The following CDC42SE2 variants were observed in gnomAD, a reference collection of about 807,000 sequenced individuals.
The protein encoded by CDC42SE2 is CDC42 small effector 2, also known as CDC42 small effector protein 2.
CDC42SE2 carries 3 observed loss-of-function variants against 11.5 expected under a neutral mutation model. That is an observed-to-expected ratio of 0.26 (90% CI 0.12 to 0.67). The LOEUF is 0.67. Among genes scored for constraint, CDC42SE2 ranks in the 30% least tolerant of loss-of-function variants. CDC42SE2 has a pLI of 0.80. For synonymous variants in CDC42SE2, 33 were observed against 34.8 expected (o/e 0.95, Z 0.18); for missense variants, 82 against 106.8 (o/e 0.77, Z 1.02).
chr5:131,311,232 G>A (rs1401713504), intron 1 of CDC42SE2, among the ~76,000 whole-genome samples: 1 of 151,052 alleles, frequency 6.6e-6, no homozygotes, highest in East Asian at 1.9e-4. Flanking sequence ...GCAATTCTGG[G>A]TTGAAAATTC....
At chr5:131,312,090 C>G (rs967092322) in intron 1 of CDC42SE2, among the ~76,000 whole-genome samples, 25 of 152,100 alleles carry the variant, frequency 1.6e-4, no homozygotes, top group Non-Finnish European at 3.2e-4. Context: ...TACTTTTGGT[C>G]TTTGATGATG....
At chr5:131,303,064 CTT>C (rs1238446546) in intron 1 of CDC42SE2, among the ~76,000 whole-genome samples, 5 of 152,138 alleles carry the variant, frequency 3.3e-5, no homozygotes, top group African/African-American at 1.2e-4. Flanking sequence ...GCCCAGATGA[CTT>C]TTCACTTAAA....
At chr5:131,294,534 A>T (rs1048773782) in intron 1 of CDC42SE2, among the ~76,000 whole-genome samples, 1 of 152,236 alleles carries the variant, frequency 6.6e-6, no homozygotes, top group Admixed American at 6.5e-5. Flanking sequence ...GTTGATGTAG[A>T]CAAGCAACAA....
intron 1 of CDC42SE2, among the ~76,000 whole-genome samples, chr5:131,294,374 G>A (rs971714859): frequency 1.3e-5 from 2 of 152,142 alleles, no homozygotes; most frequent in South Asian, 2.1e-4. Context: ...TGAAGGAAAG[G>A]TATGTTGTCC....
At chr5:131,389,277 G>A (rs1750580407) in intron 4 of CDC42SE2, among the ~76,000 whole-genome samples, 1 of 152,130 alleles carries the variant, frequency 6.6e-6, no homozygotes. Context: ...ATTTGAACTG[G>A]TATCATATGA....
intron 1 of CDC42SE2, among the ~76,000 whole-genome samples, chr5:131,253,689 C>T (rs1315048805): frequency 6.6e-6 from 1 of 152,120 alleles, no homozygotes; most frequent in Non-Finnish European, 1.5e-5. Context: ...CGCTTGAACC[C>T]AGGAGGCGGA....
chr5:131,368,679 T>C (rs1749930739), intron 3 of CDC42SE2, among the ~76,000 whole-genome samples: 1 of 152,186 alleles, frequency 6.6e-6, no homozygotes, highest in Non-Finnish European at 1.5e-5. Context: ...AAGTAGACAG[T>C]AGTATAATGA....
At chr5:131,338,326 G>A (rs905835933) in intron 2 of CDC42SE2, among the ~76,000 whole-genome samples, 1 of 152,162 alleles carries the variant, frequency 6.6e-6, no homozygotes, top group Non-Finnish European at 1.5e-5. Context: ...AATGCCATCA[G>A]TTCCTCAAGT....
At chr5:131,375,730 G>T (rs1479555617) in intron 3 of CDC42SE2, among the ~76,000 whole-genome samples, 1 of 150,444 alleles carries the variant, frequency 6.6e-6, no homozygotes. Flanking sequence ...TCCAAAGTAG[G>T]CTATTCAGTT....
At chr5:131,292,906 CAAAAAAAAAAAAAAA>C (rs869300653) in intron 1 of CDC42SE2, among the ~76,000 whole-genome samples, 1 of 58,914 alleles carries the variant, frequency 1.7e-5, no homozygotes, top group African/African-American at 1.0e-4. Flanking sequence ...GACCCTGTCT[CAAAAAAAAAAAAAAA>C]AAAAAAAAAA....
intron 1 of CDC42SE2, among the ~76,000 whole-genome samples, chr5:131,284,713 A>G (rs1005360803): frequency 1.4e-4 from 21 of 152,108 alleles, no homozygotes; most frequent in Admixed American, 3.3e-4. Context: ...GGCTCAAGCA[A>G]TCCTGTGCCT....
intron 1 of CDC42SE2, among the ~76,000 whole-genome samples, chr5:131,254,072 A>G (rs1036735064): frequency 6.6e-6 from 1 of 152,144 alleles, no homozygotes; most frequent in Non-Finnish European, 1.5e-5. Context: ...TCTAGGGTAC[A>G]TGTGCACAAC....
intron 3 of CDC42SE2, among the ~76,000 whole-genome samples, chr5:131,382,053 A>G (rs971912161): frequency 2.0e-5 from 3 of 152,242 alleles, no homozygotes; most frequent in Non-Finnish European, 2.9e-5. Context: ...ATTAGATGCC[A>G]TGAAGAAACC....
At position 131,329,582 on chromosome 5, in the gene CDC42SE2, G is replaced by C. The variant is rs149768812; in HGVS notation, c.-286+13438G>C. ...ACAAGCTATATGAAAATAATCATAA[G>C]AATTAAGAGTTCCAGGCTGGGCGCG... On this transcript the variant is annotated intron_variant, in intron 2 of 4. Transcript: ENST00000505065. Among the ~76,000 whole-genome samples the C allele has an allele frequency of 3.2e-3, 485 of 152,002 alleles. 3 individuals carry two copies. The highest frequency in any genetic ancestry group is 0.011 in the African/African-American group (463 of 41,478).
chr5:131,266,023 C>G (rs1185998263), intron 1 of CDC42SE2, among the ~76,000 whole-genome samples: 1 of 152,106 alleles, frequency 6.6e-6, no homozygotes, highest in Non-Finnish European at 1.5e-5. Flanking sequence ...CTTGTGTTCA[C>G]CACTTACAAA....
chr5:131,230,264 T>C, the CDC42SE2 span, among the ~76,000 whole-genome samples: 1 of 152,214 alleles, frequency 6.6e-6, no homozygotes, highest in African/African-American at 2.4e-5. Context: ...CAGGCATCTT[T>C]GTCCTGTACT....
At chr5:131,380,322 T>C (rs1750284186) in intron 3 of CDC42SE2, among the ~76,000 whole-genome samples, 2 of 152,186 alleles carry the variant, frequency 1.3e-5, no homozygotes, top group Non-Finnish European at 2.9e-5. Flanking sequence ...AATTTTTGTA[T>C]TTTTAGTGGA....
chr5:131,385,501 C>A (rs1351274587), intron 3 of CDC42SE2, 42 bp from the exon 4 acceptor site: 11 of 1,403,340 alleles, frequency 7.8e-6, no homozygotes, highest in South Asian at 1.2e-5. Context: ...ATAAGTTGCT[C>A]ATAAGATCAC....
the CDC42SE2 span, among the ~76,000 whole-genome samples, chr5:131,237,673 G>A: frequency 6.6e-6 from 1 of 152,124 alleles, no homozygotes; most frequent in African/African-American, 2.4e-5. Flanking sequence ...CAAATTCCTG[G>A]GCTCAGGCAA....
Sources: gnomAD v4.1 joint callset for allele counts (sites outside exome capture counted in the v4.1 genomes callset) on GRCh38, gnomAD v4.1.1 for gene constraint, MANE v1.5 for transcripts, NCBI Gene and HGNC (gene_info 2026-07-23, HGNC 2026-07-21) for gene names.